Variants in DOCK4 observed in about 807,000 individuals in gnomAD.
DOCK4 encodes dedicator of cytokinesis 4, also known as dedicator of cytokinesis protein 4.
Under a neutral mutation model 268.1 loss-of-function variants are expected in DOCK4, and 97 were observed. The observed-to-expected ratio is 0.36, with a 90% CI of 0.31 to 0.43. The LOEUF (loss-of-function observed/expected upper bound fraction) is 0.43. Ranked by LOEUF, DOCK4 falls within the 20% of genes least tolerant of loss-of-function variation. The pLI is 1.00. For missense variants in DOCK4, 2,145 were observed against 2,455.7 expected (o/e 0.87, Z 2.67); for synonymous variants, 954 against 887.2 (o/e 1.08, Z -1.34).
chr7:111,938,812 A>C (rs1417911051), intron 11 of DOCK4, among the ~76,000 whole-genome samples: 1 of 152,048 alleles, frequency 6.6e-6, no homozygotes, highest in Non-Finnish European at 1.5e-5. Context: ...TATCTTTATA[A>C]AAAGGAGAAA....
intron 1 of DOCK4, among the ~76,000 whole-genome samples, chr7:112,058,452 C>T (rs527858410): frequency 5.3e-5 from 8 of 152,250 alleles, no homozygotes; most frequent in East Asian, 1.9e-4. Flanking sequence ...ATCTAAACCA[C>T]GCTGTTTGAT....
At chr7:112,145,464 G>A (rs1437460187) in intron 1 of DOCK4, among the ~76,000 whole-genome samples, 8 of 152,174 alleles carry the variant, frequency 5.3e-5, no homozygotes, top group South Asian at 2.1e-4. Context: ...GAAAAGGGCC[G>A]CGGGGCTCGC....
chr7:112,027,040 A>G (rs1287627666), intron 1 of DOCK4, among the ~76,000 whole-genome samples: 4 of 152,176 alleles, frequency 2.6e-5, no homozygotes, highest in African/African-American at 7.2e-5. Flanking sequence ...TTGCTACTCA[A>G]TGGTACTTTA....
intron 1 of DOCK4, among the ~76,000 whole-genome samples, chr7:112,089,073 T>C (rs1054886266): frequency 6.6e-6 from 1 of 152,204 alleles, no homozygotes; most frequent in Non-Finnish European, 1.5e-5. Flanking sequence ...ATATTTTAGA[T>C]ATACTGTGTT....
chr7:111,879,449 C>T (rs577853027), intron 16 of DOCK4, among the ~76,000 whole-genome samples: 3 of 152,142 alleles, frequency 2.0e-5, no homozygotes, highest in Non-Finnish European at 4.4e-5. Context: ...GAGGGAAAAG[C>T]AAAGGGGGCT....
intron 1 of DOCK4, among the ~76,000 whole-genome samples, chr7:112,170,877 A>C (rs1818029288): frequency 6.6e-6 from 1 of 152,218 alleles, no homozygotes; most frequent in African/African-American, 2.4e-5. Flanking sequence ...ATATGATAAA[A>C]AAAATTGCAC....
intron 23 of DOCK4, among the ~76,000 whole-genome samples, chr7:111,853,282 G>C (rs1489032285): frequency 6.6e-6 from 1 of 152,174 alleles, no homozygotes; most frequent in Non-Finnish European, 1.5e-5. Flanking sequence ...GCACACAAGG[G>C]TTGGCCGTTA....
intron 1 of DOCK4, among the ~76,000 whole-genome samples, chr7:112,199,093 A>G (rs1311182450): frequency 6.6e-6 from 1 of 152,210 alleles, no homozygotes; most frequent in Non-Finnish European, 1.5e-5. Context: ...ACATGGCGTA[A>G]TGGCTAAGAG....
chr7:111,879,090 A>G lies in DOCK4; in HGVS notation c.1588-1904T>C, dbSNP rs1346031474. ...TGACTCCTTCTTTCTGCTTGAGGAG[A>G]GAAGAGTGAAAAGTAAAGAGGACTT... On this transcript the variant is annotated intron_variant, in intron 16 of 52. Coordinates refer to ENST00000428084, the MANE Select transcript of DOCK4 (RefSeq NM_001363540.2). Among the ~76,000 whole-genome samples, 6 of 151,836 alleles carry G rather than the reference A, an allele frequency of 4.0e-5. No individual in the cohort carries two copies. The East Asian group carries it at 7.8e-4, about 20-fold the overall frequency.
intron 26 of DOCK4, among the ~76,000 whole-genome samples, chr7:111,832,428 G>T (rs145796510): frequency 6.6e-6 from 1 of 152,184 alleles, no homozygotes; most frequent in Non-Finnish European, 1.5e-5. Flanking sequence ...TCCCTAGTGC[G>T]TGGTGCACAG....
At chr7:111,840,795 A>T (rs534211860) in intron 25 of DOCK4, 1 of 1,321,016 alleles carries the variant, frequency 7.6e-7, no homozygotes, top group Admixed American at 2.2e-5. Flanking sequence ...ACTTTTCCAT[A>T]TGTGTCTGCA....
In DOCK4 at chr7:111,868,846, G is replaced by C. The variant is rs116395402; in HGVS notation, c.2110-692C>G. Among the ~76,000 whole-genome samples, 612 of 152,232 alleles carry C rather than the reference G, an allele frequency of 4.0e-3. 6 individuals carry two copies. Among genetic ancestry groups the C allele is most frequent in the African/African-American group, 0.014 (587 of 41,532 alleles). On this transcript the variant is annotated intron_variant, in intron 21 of 52. Transcript: ENST00000428084. The stretch of plus-strand genomic sequence containing the variant: ...TTTAAAAAATAATTTTGTTTTGACA[G>C]GTAGTACTCTTGCCACTTAGCATTT...
chr7:111,784,301 A>C, intron 32 of DOCK4, 178 bp from the exon 33 acceptor site: 1 of 781,508 alleles, frequency 1.3e-6, no homozygotes, highest in Non-Finnish European at 2.2e-6. Flanking sequence ...ATCAAATAAC[A>C]CTGCAAAAAG....
chr7:112,158,611 C>A (rs1246041290), intron 1 of DOCK4, among the ~76,000 whole-genome samples: 1 of 152,120 alleles, frequency 6.6e-6, no homozygotes, highest in African/African-American at 2.4e-5. Context: ...AATGCTAAAT[C>A]CTCTTTATTC....
intron 1 of DOCK4, among the ~76,000 whole-genome samples, chr7:112,058,708 T>A (rs1363476009): frequency 1.3e-5 from 2 of 151,960 alleles, no homozygotes; most frequent in African/African-American, 2.4e-5. Context: ...AGGAAGACAA[T>A]GAAGTCAGCT....
Position 111,809,460 on chromosome 7 carries a change from G to A in DOCK4, c.3007-59C>T, listed in dbSNP as rs950941336. ...TGTTACAAGCATATTGACAGGTGAA[G>A]TGACATAGTATTTTGGATTTGCTTC... On this transcript the variant is annotated intron_variant, in intron 28 of 52. Coordinates refer to ENST00000428084, the MANE Select transcript of DOCK4 (RefSeq NM_001363540.2). The A allele has an allele frequency of 5.0e-6, 7 of 1,405,692 alleles. No homozygotes were observed. In the African/African-American group the frequency reaches 1.0e-4, roughly 20 times the overall value. The allele number at this position is 1,405,692 out of a possible 1,614,324, so 87.1% of individuals were successfully genotyped here.
At chr7:111,947,471 TTTTTTCC>T (rs1450533128) in intron 8 of DOCK4, among the ~76,000 whole-genome samples, 424 of 152,236 alleles carry the variant, frequency 2.8e-3, no homozygotes, top group African/African-American at 1.0e-2. Flanking sequence ...ATTACCTATA[TTTTTTCC>T]CAGAAAACAG....
chr7:112,185,690 T>C (rs1309205479), intron 1 of DOCK4, among the ~76,000 whole-genome samples: 2 of 151,968 alleles, frequency 1.3e-5, no homozygotes, highest in Non-Finnish European at 2.9e-5. Flanking sequence ...GACACAATGG[T>C]GTTATAATTA....
chr7:112,122,001 A>T (rs1812773936), intron 1 of DOCK4, among the ~76,000 whole-genome samples: 1 of 152,236 alleles, frequency 6.6e-6, no homozygotes, highest in Admixed American at 6.5e-5. Flanking sequence ...CTATAAAAAA[A>T]TGCTGCAAAC....
Sources: allele counts gnomAD v4.1 joint callset (sites outside exome capture counted in the v4.1 genomes callset), GRCh38; gene constraint gnomAD v4.1.1; transcripts MANE v1.5; gene names NCBI Gene and HGNC (gene_info 2026-07-23, HGNC 2026-07-21).